A4GALT: variants seen among roughly 807,000 people sequenced by gnomAD.
A4GALT encodes the protein lactosylceramide 4-alpha-galactosyltransferase.
For missense variants in A4GALT, 512 were observed against 486.0 expected (o/e 1.05, Z -0.50); for synonymous variants, 257 against 220.7 (o/e 1.16, Z -1.46).
rs576019459 is a variant in A4GALT, at chr22:42,693,436, G to A, written c.516C>T (p.Pro172=). 46 of 1,613,190 alleles carry A rather than the reference G, an allele frequency of 2.9e-5. No homozygotes were observed. Among genetic ancestry groups the A allele is most frequent in the African/African-American group, 4.0e-5 (3 of 74,916 alleles). Residue 172 remains proline, a synonymous_variant, in exon 3 of 3, where the codon CCC becomes CCT. Coordinates refer to ENST00000642412, the MANE Select transcript of A4GALT (RefSeq NM_017436.7). ...CGATCCTGGAGGCGTCGGAGAGCAC[G>A]GGCAGCAGGTAGGGCTCCCAGCGCC... ...VQGRWEPYLL[P]VLSDASRIAL...
Position 42,694,112 on chromosome 22 carries a change from C to T in A4GALT, c.-46-115G>A, listed in dbSNP as rs139766607. The T allele has an allele frequency of 4.4e-3, 3,016 of 686,232 alleles. 15 individuals are homozygous for T. Among genetic ancestry groups the T allele is most frequent in the Non-Finnish European group, 5.8e-3 (2,355 of 408,514 alleles). 42.5% of individuals were successfully genotyped at this position (686,232 alleles called of 1,614,324 possible). On this transcript the variant is annotated intron_variant, in intron 2 of 2. Coordinates refer to ENST00000642412, the MANE Select transcript of A4GALT (RefSeq NM_017436.7). Reference sequence around the variant, plus strand: ...AGGCTGGCTTCCAAGCCCATGGGCTCCTGGGCCCACAGGGGCCAAGGCTTG... The same window carrying T: ...AGGCTGGCTTCCAAGCCCATGGGCTTCTGGGCCCACAGGGGCCAAGGCTTG...
chr22:42,695,243 C>CT (rs761076884), intron 2 of A4GALT: 6 of 152,208 alleles, frequency 3.9e-5, no homozygotes, highest in Admixed American at 1.3e-4. Context: ...TCAGCAAGCC[C>CT]GAGGGGCAGT....
chr22:42,717,663 C>T (rs1197238666), intron 1 of A4GALT, among the ~76,000 whole-genome samples: 3 of 152,054 alleles, frequency 2.0e-5, no homozygotes, highest in Non-Finnish European at 4.4e-5. Flanking sequence ...TAAATGCAGC[C>T]AAGTCTCCCT....
chr22:42,705,546 T>A (rs1461944581), intron 1 of A4GALT, among the ~76,000 whole-genome samples: 1 of 115,018 alleles, frequency 8.7e-6, no homozygotes, highest in East Asian at 2.3e-4. Flanking sequence ...GAGGCTGTGG[T>A]GAGCTGAGAT....
Position 42,692,576 on chromosome 22 carries a change from C to A in A4GALT, c.*314G>T, listed in dbSNP as rs1432672472. ...GCCCTCGTGGGCACCTCTGTCCCAA[C>A]TGCCTGGCTTTCCGCACCACCTGGG... On this transcript the variant is annotated 3_prime_UTR_variant, in exon 3 of 3. Coordinates refer to ENST00000642412, the MANE Select transcript of A4GALT (RefSeq NM_017436.7). The surrounding 1 kb of genome is among the most constrained non-coding windows in gnomAD (Gnocchi z 4.6). The A allele has an allele frequency of 2.0e-6, 1 of 510,492 alleles. No homozygotes were observed. Among genetic ancestry groups the A allele is most frequent in the Non-Finnish European group, 3.8e-6 (1 of 263,568 alleles). The allele number at this position is 510,492 out of a possible 1,614,324, so 31.6% of individuals were successfully genotyped here.
At chr22:42,709,704 C>T (rs563652171) in intron 1 of A4GALT, among the ~76,000 whole-genome samples, 11 of 152,140 alleles carry the variant, frequency 7.2e-5, no homozygotes, top group Admixed American at 2.6e-4. Flanking sequence ...ATACGAGAAT[C>T]GCTTGAGCTT....
intron 1 of A4GALT, among the ~76,000 whole-genome samples, chr22:42,709,067 A>ATATATATATTTTTTT (rs1180529043): frequency 0.039 from 4,967 of 128,040 alleles, 121 homozygotes; most frequent in Non-Finnish European, 0.045. Flanking sequence ...ATATATATAT[A>ATATATATATTTTTTT]TTTTTTTTAA....
intron 1 of A4GALT, among the ~76,000 whole-genome samples, chr22:42,719,114 G>A (rs1409737239): frequency 6.6e-6 from 1 of 152,192 alleles, no homozygotes; most frequent in East Asian, 1.9e-4. Context: ...TGGGGTCCCA[G>A]GGCCCATCAC....
In A4GALT at chr22:42,693,618, C is replaced by G. The variant is rs781617781; in HGVS notation, c.334G>C (p.Val112Leu). Residue 112 changes from valine to leucine, a missense_variant, in exon 3 of 3, where the codon GTC becomes CTC. Val to Leu is a conservative substitution (Grantham distance 32). Coordinates refer to ENST00000642412, the MANE Select transcript of A4GALT (RefSeq NM_017436.7). ...ARTHPESHVLVLMKGLPGGNA... is the reference protein window; with the variant it reads ...ARTHPESHVLLLMKGLPGGNA... Reference sequence around the variant, plus strand: ...CCACCCGGAAGCCCTTTCATCAGGACCAGCACGTGGGATTCGGGGTGAGTT... The same window carrying G: ...CCACCCGGAAGCCCTTTCATCAGGAGCAGCACGTGGGATTCGGGGTGAGTT... 1 of 1,613,538 alleles carries G rather than the reference C, an allele frequency of 6.2e-7. No homozygotes were observed. Among genetic ancestry groups the G allele is most frequent in the Non-Finnish European group, 8.5e-7 (1 of 1,180,000 alleles).
At chr22:42,721,289 CCA>C (rs1448481284), upstream of A4GALT, 1 of 152,166 alleles carries the variant, frequency 6.6e-6, no homozygotes, top group Non-Finnish European at 1.5e-5. Flanking sequence ...TTGCGGAATT[CCA>C]GTTATTTGCT....
rs757743963 is a variant in A4GALT at position 42,693,357 on chromosome 22, T to C, written c.595A>G (p.Lys199Glu). Residue 199 changes from lysine to glutamate, a missense_variant, in exon 3 of 3, where the codon AAG becomes GAG. Coordinates refer to ENST00000642412, the MANE Select transcript of A4GALT (RefSeq NM_017436.7). ...IYLDTDFIVL[K>E]NLRNLTNVLG... is the part of the protein sequence containing the mutation. ...ACGTTGGTCAGGTTCCGCAGGTTCT[T>C]GAGAACAATGAAGTCCGTGTCCAGG... 6.2e-6 allele frequency: 10 copies of C among 1,613,140 alleles called. No homozygotes were observed. The highest frequency in any genetic ancestry group is 8.5e-6 in the Non-Finnish European group (10 of 1,179,914).
intron 1 of A4GALT, among the ~76,000 whole-genome samples, chr22:42,706,373 A>T (rs6002916): frequency 6.6e-6 from 1 of 151,316 alleles, no homozygotes; most frequent in Admixed American, 6.6e-5. Context: ...AAAAAAAAAA[A>T]AAAAGTTTCA....
intron 1 of A4GALT, among the ~76,000 whole-genome samples, chr22:42,704,296 T>G (rs28992189): frequency 1.3e-3 from 194 of 151,946 alleles, no homozygotes; most frequent in African/African-American, 4.1e-3. Context: ...GCCTGCCCAA[T>G]ATGGTGAAAC....
chr22:42,716,951 T>G (rs950030322), intron 1 of A4GALT, among the ~76,000 whole-genome samples: 6 of 152,184 alleles, frequency 3.9e-5, no homozygotes, highest in African/African-American at 1.4e-4. Flanking sequence ...TCCACCTGGC[T>G]CCCTGTCTGC....
At chr22:42,703,142 G>GTGTGTGTGTA in intron 1 of A4GALT, among the ~76,000 whole-genome samples, 1 of 150,024 alleles carries the variant, frequency 6.7e-6, no homozygotes, top group Middle Eastern at 3.4e-3. Context: ...GTGTGTGTGT[G>GTGTGTGTGTA]TTGTCCCCAC....
intron 1 of A4GALT, among the ~76,000 whole-genome samples, chr22:42,709,057 A>G (rs1002031440): frequency 2.9e-5 from 3 of 104,490 alleles, no homozygotes; most frequent in Non-Finnish European, 6.8e-5. Flanking sequence ...AAATATATAT[A>G]TATATATATA....
Position 42,692,800 on chromosome 22 carries a change from C to G in A4GALT, c.*90G>C. 6.6e-7 allele frequency: 1 copy of G among 1,513,280 alleles called. No homozygotes were observed. Among genetic ancestry groups the G allele is most frequent in the South Asian group, 1.1e-5 (1 of 87,126 alleles). 93.7% of individuals were successfully genotyped at this position (1,513,280 alleles called of 1,614,324 possible). On this transcript the variant is annotated 3_prime_UTR_variant, in exon 3 of 3. Transcript: ENST00000642412. This position sits in a 1 kb window ranked among gnomAD's most constrained non-coding sequence, Gnocchi z 4.6. ...CTAAGCCCGGTGGCAGCTCGGGCCT[C>G]CCTCTCCCGGGCCCTCAATCTTGCC...
At chr22:42,713,829 A>AC (rs1491445246) in intron 1 of A4GALT, among the ~76,000 whole-genome samples, 2 of 126,476 alleles carry the variant, frequency 1.6e-5, no homozygotes, top group African/African-American at 5.3e-5. Context: ...AAAAAAAAAA[A>AC]AGACAGACAG....
chr22:42,701,135 C>G (rs1461568736), intron 1 of A4GALT, among the ~76,000 whole-genome samples: 1 of 152,236 alleles, frequency 6.6e-6, no homozygotes, highest in East Asian at 1.9e-4. Flanking sequence ...CCCCCAGGGT[C>G]TCCCAGCTCG....
Sources: allele counts gnomAD v4.1 joint callset (sites outside exome capture counted in the v4.1 genomes callset), GRCh38; gene constraint gnomAD v4.1.1; non-coding constraint Gnocchi (gnomAD v3.1); transcripts MANE v1.5; gene names NCBI Gene and HGNC (gene_info 2026-07-23, HGNC 2026-07-21).